The following CSMD3 variants were observed in gnomAD, a reference collection of about 807,000 sequenced individuals.
CSMD3 encodes CUB and Sushi multiple domains 3.
Under a neutral mutation model 435.2 loss-of-function variants are expected in CSMD3, and 177 were observed. The ratio of observed to expected loss-of-function variants is 0.41; its 90% confidence interval spans 0.36 to 0.46. The LOEUF (loss-of-function observed/expected upper bound fraction) is 0.46, where lower values mean the gene tolerates loss of function less well. Among genes scored for constraint, CSMD3 ranks in the 20% least tolerant of loss-of-function variants. CSMD3 has a pLI of 0.34. For synonymous variants in CSMD3, 1,656 were observed against 1,520.5 expected, an observed-to-expected ratio of 1.09 and a Z score of -2.07; for missense variants, 4,265 against 4,504.6, an observed-to-expected ratio of 0.95 and a Z score of 1.52.
chr8:112,369,210 A>G (rs1828081614), intron 38 of CSMD3, among the ~76,000 whole-genome samples: 1 of 152,046 alleles, frequency 6.6e-6, no homozygotes, highest in Admixed American at 6.6e-5. Context: ...TGCTTTTATT[A>G]TTTTAAAAGG....
At chr8:113,348,241 A>G (rs2094165011) in intron 1 of CSMD3, among the ~76,000 whole-genome samples, 2 of 152,172 alleles carry the variant, frequency 1.3e-5, no homozygotes, top group African/African-American at 2.4e-5. Context: ...AAATTGTTTG[A>G]CATGCATTGT....
intron 38 of CSMD3, among the ~76,000 whole-genome samples, chr8:112,354,958 C>T (rs983519103): frequency 3.3e-5 from 5 of 152,142 alleles, no homozygotes; most frequent in African/African-American, 1.2e-4. Flanking sequence ...AACTATACTA[C>T]AAGGCTATGG....
At chr8:112,997,032 G>C (rs980921347) in intron 6 of CSMD3, among the ~76,000 whole-genome samples, 3 of 151,494 alleles carry the variant, frequency 2.0e-5, no homozygotes, top group Non-Finnish European at 4.4e-5. Flanking sequence ...GTACTGATTA[G>C]TGTCTATGAA....
intron 7 of CSMD3, among the ~76,000 whole-genome samples, chr8:112,964,653 T>C (rs1334304112): frequency 2.0e-5 from 3 of 151,840 alleles, no homozygotes; most frequent in Non-Finnish European, 4.4e-5. Context: ...TGATGAGACT[T>C]TTTTTTCCCC....
At chr8:112,880,363 T>C (rs1355174344) in intron 10 of CSMD3, among the ~76,000 whole-genome samples, 1 of 152,010 alleles carries the variant, frequency 6.6e-6, no homozygotes, top group Non-Finnish European at 1.5e-5. Flanking sequence ...CTTAAATGGA[T>C]ACAAACAGGC....
intron 1 of CSMD3, among the ~76,000 whole-genome samples, chr8:113,363,961 G>T (rs1308006559): frequency 6.6e-6 from 1 of 152,058 alleles, no homozygotes; most frequent in Non-Finnish European, 1.5e-5. Context: ...AAGTTACACA[G>T]ATTTTCTCCT....
At chr8:113,270,129 C>CCCAT (rs1194013785) in intron 3 of CSMD3, among the ~76,000 whole-genome samples, 1 of 151,942 alleles carries the variant, frequency 6.6e-6, no homozygotes, top group Non-Finnish European at 1.5e-5. Context: ...AAAAAACAAC[C>CCCAT]CCATCAATAA....
At chr8:112,976,178 C>T (rs757510387) in intron 6 of CSMD3, 30 bp from the exon 7 acceptor site, 3 of 1,609,546 alleles carry the variant, frequency 1.9e-6, no homozygotes, top group African/African-American at 2.7e-5. Context: ...TAGATGCTAA[C>T]TTTTTCTTTT....
intron 27 of CSMD3, among the ~76,000 whole-genome samples, chr8:112,531,290 G>A (rs942529236): frequency 2.6e-5 from 4 of 152,108 alleles, no homozygotes; most frequent in African/African-American, 7.2e-5. Flanking sequence ...ACCCTGGCAG[G>A]ATGGAACAAA....
chr8:113,156,684 T>A, intron 4 of CSMD3, among the ~76,000 whole-genome samples: 1 of 151,470 alleles, frequency 6.6e-6, no homozygotes, highest in Non-Finnish European at 1.5e-5. Flanking sequence ...GTGGATCACA[T>A]GAGCCAAGGA....
At chr8:112,404,940 G>A (rs1212281320) in intron 35 of CSMD3, among the ~76,000 whole-genome samples, 2 of 151,350 alleles carry the variant, frequency 1.3e-5, no homozygotes, top group Non-Finnish European at 2.9e-5. Context: ...CATTCTGGGA[G>A]GCCGAGGGGG....
intron 6 of CSMD3, among the ~76,000 whole-genome samples, chr8:112,997,391 T>C (rs1431345983): frequency 8.6e-5 from 13 of 151,670 alleles, no homozygotes. Context: ...ATTTATAATG[T>C]ACATTAATTA....
In CSMD3 at chr8:112,306,067, T is replaced by C. The variant is rs1456331850; in HGVS notation, c.8011A>G (p.Thr2671Ala). The C allele has an allele frequency of 3.1e-6, 5 of 1,613,662 alleles. No individual in the cohort carries two copies. The South Asian group carries it at 3.3e-5, about 11-fold the overall frequency. Residue 2671 changes from threonine (T) to alanine (A), a missense_variant, in exon 51 of 71, where the codon ACA becomes GCA. Transcript: ENST00000297405. ...GTTCCATCTGATTGGCATACAGCTG[T>C]AGTGAGTTCTTTGGATGACAATCGA... ...GYRLSSKELT[T>A]AVCQSDGTWS...
intron 12 of CSMD3, among the ~76,000 whole-genome samples, chr8:112,827,467 C>A (rs919782783): frequency 5.3e-5 from 8 of 151,704 alleles, no homozygotes; most frequent in Admixed American, 5.3e-4. Context: ...GAATCTGAAC[C>A]TAAAATCCAG....
chr8:112,348,029 T>C (rs1825821431), intron 40 of CSMD3, among the ~76,000 whole-genome samples: 1 of 151,860 alleles, frequency 6.6e-6, no homozygotes, highest in Non-Finnish European at 1.5e-5. Context: ...GGGTGAAAAA[T>C]ACCAAAACCA....
At chr8:112,716,530 A>G (rs1486309304) in intron 13 of CSMD3, among the ~76,000 whole-genome samples, 2 of 152,190 alleles carry the variant, frequency 1.3e-5, no homozygotes, top group Non-Finnish European at 2.9e-5. Context: ...TGTTATTCCC[A>G]TCAAACTACC....
At chr8:113,021,520 GGT>G (rs2086684351) in intron 5 of CSMD3, among the ~76,000 whole-genome samples, 1 of 152,138 alleles carries the variant, frequency 6.6e-6, no homozygotes, top group Admixed American at 6.5e-5. Context: ...AATGCATGGA[GGT>G]GTGTAATACA....
chr8:112,287,398 CCA>C, intron 57 of CSMD3, 152 bp from the exon 58 acceptor site: 1 of 713,384 alleles, frequency 1.4e-6, no homozygotes, highest in South Asian at 1.6e-5. Context: ...TTATCTGACT[CCA>C]GTCATTAAAA....
At chr8:113,115,893 A>G (rs1250037635) in intron 4 of CSMD3, among the ~76,000 whole-genome samples, 1 of 152,156 alleles carries the variant, frequency 6.6e-6, no homozygotes, top group Non-Finnish European at 1.5e-5. Context: ...CACAGCTCTC[A>G]TAATGGGATT....
Sources: allele counts gnomAD v4.1 joint callset (sites outside exome capture counted in the v4.1 genomes callset), GRCh38; gene constraint gnomAD v4.1.1; transcripts MANE v1.5; gene names NCBI Gene and HGNC (gene_info 2026-07-23, HGNC 2026-07-21).